NUP98: variants seen among roughly 807,000 people sequenced by gnomAD.
NUP98 encodes the protein nuclear pore complex protein Nup98-Nup96.
A neutral mutation model predicts 191.9 loss-of-function variants in NUP98; 26 were observed. The ratio of observed to expected loss-of-function variants is 0.14; its 90% CI spans 0.10 to 0.19. The LOEUF is 0.19. Ranked by LOEUF, NUP98 falls within the 10% of genes least tolerant of loss-of-function variation. NUP98 has a pLI of 1.00. For synonymous variants in NUP98, 808 were observed against 778.4 expected (o/e 1.04, Z -0.63); for missense variants, 1,941 against 2,178.8 (o/e 0.89, Z 2.17).
At chr11:3,749,574 G>A (rs1356214907) in intron 11 of NUP98, among the ~76,000 whole-genome samples, 1 of 152,140 alleles carries the variant, frequency 6.6e-6, no homozygotes, top group East Asian at 1.9e-4. Flanking sequence ...GCCATGAGCT[G>A]AGATCACACC....
intron 1 of NUP98, among the ~76,000 whole-genome samples, chr11:3,783,660 T>C (rs1001529036): frequency 6.6e-6 from 1 of 152,116 alleles, no homozygotes; most frequent in African/African-American, 2.4e-5. Context: ...GATCGCACCA[T>C]TGTACTCCAG....
intron 1 of NUP98, among the ~76,000 whole-genome samples, chr11:3,786,976 G>A (rs560302908): frequency 6.6e-6 from 1 of 152,146 alleles, no homozygotes; most frequent in Admixed American, 6.6e-5. Context: ...ATAAATATTT[G>A]TTAGATGAAT....
At chr11:3,780,155 T>G (rs1175574459) in intron 2 of NUP98, among the ~76,000 whole-genome samples, 2 of 152,022 alleles carry the variant, frequency 1.3e-5, no homozygotes, top group Non-Finnish European at 2.9e-5. Flanking sequence ...AAGGTGACTG[T>G]GATGGGCACT....
chr11:3,697,773 T>C (rs2078555160), intron 25 of NUP98, among the ~76,000 whole-genome samples: 1 of 142,618 alleles, frequency 7.0e-6, no homozygotes, highest in South Asian at 2.2e-4. Context: ...CTGAGATCGT[T>C]CCACTGCACT....
At chr11:3,703,036 G>A (rs997392326) in intron 22 of NUP98, 144 bp from the exon 23 acceptor site, 6 of 680,678 alleles carry the variant, frequency 8.8e-6, no homozygotes, top group African/African-American at 5.4e-5. Context: ...ACCAGAAGCA[G>A]GCTAAGTCAG....
intron 14 of NUP98, among the ~76,000 whole-genome samples, chr11:3,726,070 C>A (rs1340038160): frequency 6.6e-6 from 1 of 152,176 alleles, no homozygotes; most frequent in East Asian, 1.9e-4. Flanking sequence ...TCATTCACTA[C>A]AGAGTACACA....
intron 26 of NUP98, among the ~76,000 whole-genome samples, 195 bp downstream of exon 26, chr11:3,695,254 T>C (rs1159078613): frequency 6.6e-6 from 1 of 152,270 alleles, no homozygotes; most frequent in African/African-American, 2.4e-5. Context: ...TGATACATTT[T>C]AACATTTTAA....
chr11:3,706,777 G>A, intron 20 of NUP98, 150 bp from the exon 21 acceptor site: 1 of 723,150 alleles, frequency 1.4e-6, no homozygotes, highest in Non-Finnish European at 2.3e-6. Context: ...ATTTGCTAGA[G>A]TGATTTAAAA....
At chr11:3,769,079 G>C (rs1007205228) in intron 7 of NUP98, among the ~76,000 whole-genome samples, 2 of 152,156 alleles carry the variant, frequency 1.3e-5, no homozygotes, top group South Asian at 2.1e-4. Flanking sequence ...GAGAACAAAG[G>C]CTTCTTCTTT....
chr11:3,788,454 T>C (rs1039320917), intron 1 of NUP98, among the ~76,000 whole-genome samples: 1 of 151,998 alleles, frequency 6.6e-6, no homozygotes, highest in African/African-American at 2.4e-5. Context: ...ATACAAAAAT[T>C]AGCCTACATG....
At chr11:3,776,377 G>A (rs2081731930) in intron 4 of NUP98, among the ~76,000 whole-genome samples, 1 of 151,760 alleles carries the variant, frequency 6.6e-6, no homozygotes, top group Admixed American at 6.6e-5. Context: ...CTCCTACCTC[G>A]AAATCCTAAA....
At chr11:3,768,956 A>C (rs571487732) in intron 7 of NUP98, among the ~76,000 whole-genome samples, 1 of 152,284 alleles carries the variant, frequency 6.6e-6, no homozygotes. Context: ...TACCCCAAGA[A>C]GCTTAACTAG....
At chr11:3,721,891 G>A (rs1450042334) in intron 16 of NUP98, among the ~76,000 whole-genome samples, 2 of 152,118 alleles carry the variant, frequency 1.3e-5, no homozygotes, top group East Asian at 1.9e-4. Flanking sequence ...CTCTCTGAGA[G>A]AAAAGTATTT....
chr11:3,782,285 T>C (rs548042247), intron 1 of NUP98, 140 bp from the exon 2 acceptor site: 53 of 506,152 alleles, frequency 1.0e-4, no homozygotes, highest in Non-Finnish European at 1.7e-4. Flanking sequence ...AACTGTATGA[T>C]AAAATAAACC....
chr11:3,716,638 G>T (rs1446311205), intron 18 of NUP98, among the ~76,000 whole-genome samples: 2 of 152,040 alleles, frequency 1.3e-5, no homozygotes, highest in Non-Finnish European at 2.9e-5. Context: ...GAACCTGGGG[G>T]CAGAGGTTGC....
At position 3,697,683 on chromosome 11, in the gene NUP98, G is replaced by A. The variant is rs1241050244; in HGVS notation, c.4009+1399C>T. On this transcript the variant is annotated intron_variant, in intron 25 of 32. Coordinates refer to ENST00000324932, the MANE Select transcript of NUP98 (RefSeq NM_016320.5). Reference sequence around the variant, plus strand: ...AAAAGACAACTAGCTGGGCATGGTGGCAGGCACCTGTAATCCCAGCTACTC... The same window carrying A: ...AAAAGACAACTAGCTGGGCATGGTGACAGGCACCTGTAATCCCAGCTACTC... Among the ~76,000 whole-genome samples, 4 of 151,900 alleles carry A rather than the reference G, an allele frequency of 2.6e-5. No homozygotes were observed. In the East Asian group the frequency reaches 7.7e-4, roughly 29 times the overall value.
chr11:3,788,119 C>T (rs16929762), intron 1 of NUP98, among the ~76,000 whole-genome samples: 10,637 of 152,250 alleles, frequency 0.07, 395 homozygotes, highest in Middle Eastern at 0.1. Context: ...TTTTACCTGT[C>T]TGCTGCTCTG....
At chr11:3,779,728 T>G (rs1589954855) in intron 2 of NUP98, among the ~76,000 whole-genome samples, 1 of 151,664 alleles carries the variant, frequency 6.6e-6, no homozygotes, top group South Asian at 2.1e-4. Context: ...AATTACAGAG[T>G]AAAAACCAAG....
chr11:3,743,263 C>T (rs1401545952), intron 12 of NUP98, among the ~76,000 whole-genome samples: 1 of 151,604 alleles, frequency 6.6e-6, no homozygotes, highest in African/African-American at 2.4e-5. Context: ...GTGATCCACC[C>T]GCCTCGGCCT....
Sources: gnomAD v4.1 joint callset for allele counts (sites outside exome capture counted in the v4.1 genomes callset) on GRCh38, gnomAD v4.1.1 for gene constraint, MANE v1.5 for transcripts, NCBI Gene and HGNC (gene_info 2026-07-23, HGNC 2026-07-21) for gene names.